EXT1: variants seen among roughly 807,000 people sequenced by gnomAD.
The protein encoded by EXT1 is exostosin-1.
EXT1 carries 20 observed loss-of-function variants against 82.5 expected under a neutral mutation model. The ratio of observed to expected loss-of-function variants is 0.24; its 90% CI spans 0.17 to 0.35. EXT1 has a LOEUF of 0.35. EXT1 is among the 10% of genes least tolerant of loss of function. EXT1 has a pLI of 1.00. For missense variants in EXT1, 757 were observed against 936.5 expected, an observed-to-expected ratio of 0.81 and a Z score of 2.50; for synonymous variants, 348 against 350.8, an observed-to-expected ratio of 0.99 and a Z score of 0.09.
chr8:117,994,790 T>C (rs1815503243), intron 1 of EXT1, among the ~76,000 whole-genome samples: 1 of 152,228 alleles, frequency 6.6e-6, no homozygotes, highest in Admixed American at 6.5e-5. Context: ...CATCTGGCAG[T>C]GACAGAAATA....
At chr8:117,856,171 T>A (rs1812552734) in intron 1 of EXT1, among the ~76,000 whole-genome samples, 1 of 152,176 alleles carries the variant, frequency 6.6e-6, no homozygotes, top group Non-Finnish European at 1.5e-5. Flanking sequence ...TATTGCTGAT[T>A]TGGAAAAGTT....
chr8:118,102,216 G>T (rs1023485082), intron 1 of EXT1, among the ~76,000 whole-genome samples: 2 of 151,924 alleles, frequency 1.3e-5, no homozygotes, highest in African/African-American at 2.4e-5. Context: ...GCAGTGAGCC[G>T]AGATCGCGCC....
chr8:117,805,369 G>A (rs1563873104), intron 9 of EXT1, among the ~76,000 whole-genome samples: 1 of 152,124 alleles, frequency 6.6e-6, no homozygotes, highest in Non-Finnish European at 1.5e-5. Context: ...TTGACTCTGA[G>A]TCCAACAATA....
intron 8 of EXT1, among the ~76,000 whole-genome samples, chr8:117,807,747 A>G (rs1823260379): frequency 1.3e-5 from 2 of 152,208 alleles, no homozygotes; most frequent in Non-Finnish European, 2.9e-5. Context: ...TGTTTTATAA[A>G]TGAGAAATTT....
chr8:117,919,506 C>CTTTTT (rs34037715), intron 1 of EXT1, among the ~76,000 whole-genome samples: 1 of 141,050 alleles, frequency 7.1e-6, no homozygotes, highest in Admixed American at 7.1e-5. Flanking sequence ...TGAGTTAAAA[C>CTTTTT]TTTTTTTTTT....
chr8:118,068,063 C>A (rs1817023503), intron 1 of EXT1, among the ~76,000 whole-genome samples: 1 of 152,180 alleles, frequency 6.6e-6, no homozygotes, highest in South Asian at 2.1e-4. Context: ...AAAACACTTT[C>A]ATTTAATCTT....
At chr8:117,850,667 T>G (rs1563579447) in intron 1 of EXT1, among the ~76,000 whole-genome samples, 2 of 152,226 alleles carry the variant, frequency 1.3e-5, no homozygotes, top group African/African-American at 4.8e-5. Flanking sequence ...AACTATTCTA[T>G]AAATCAAACA....
At chr8:117,820,680 T>C (rs987073563) in intron 5 of EXT1, among the ~76,000 whole-genome samples, 1 of 148,752 alleles carries the variant, frequency 6.7e-6, no homozygotes, top group African/African-American at 2.5e-5. Context: ...CTGGGCAACA[T>C]AGCAAGACTC....
At chr8:118,093,274 A>G in intron 1 of EXT1, among the ~76,000 whole-genome samples, 1 of 147,130 alleles carries the variant, frequency 6.8e-6, no homozygotes, top group African/African-American at 2.6e-5. Flanking sequence ...CCAGCAAAAA[A>G]AAAAAAAAAA....
At chr8:118,099,911 C>A (rs1388052453) in intron 1 of EXT1, among the ~76,000 whole-genome samples, 2 of 152,152 alleles carry the variant, frequency 1.3e-5, no homozygotes, top group African/African-American at 4.8e-5. Flanking sequence ...AGCCAACTTC[C>A]CCTAACCACA....
At chr8:118,079,878 A>G (rs919601230) in intron 1 of EXT1, among the ~76,000 whole-genome samples, 4 of 152,232 alleles carry the variant, frequency 2.6e-5, no homozygotes, top group Non-Finnish European at 5.9e-5. Context: ...AATAACTTCA[A>G]TAGAAAGAAA....
At chr8:118,061,727 A>G (rs941911396) in intron 1 of EXT1, among the ~76,000 whole-genome samples, 1 of 152,168 alleles carries the variant, frequency 6.6e-6, no homozygotes, top group Non-Finnish European at 1.5e-5. Context: ...AAATATGAAT[A>G]TGTTTAGTTG....
chr8:117,890,015 A>G (rs1180491697), intron 1 of EXT1, among the ~76,000 whole-genome samples: 1 of 152,220 alleles, frequency 6.6e-6, no homozygotes, highest in Non-Finnish European at 1.5e-5. Flanking sequence ...ATCAAAATGC[A>G]TGAAAAATTT....
rs200212239 is a variant in EXT1 at position 117,984,452 on chromosome 8, A to AAC, written c.962+125632_962+125633insGT. 7.5e-3 allele frequency among the ~76,000 whole-genome samples: 1,135 copies of AAC among 151,164 alleles called. 15 individuals carry two copies. The highest frequency in any genetic ancestry group is 0.022 in the African/African-American group (901 of 41,010). On this transcript the variant is annotated intron_variant, in intron 1 of 10. Transcript: ENST00000378204. ...TCAAAAACAAAACAAAACAAAACAA[A>AAC]AAAAAAAAACAAAGAAAAGAAAAGA... is the stretch of plus-strand genomic sequence containing the variant.
intron 1 of EXT1, among the ~76,000 whole-genome samples, chr8:117,868,747 C>T (rs970479516): frequency 3.3e-5 from 5 of 152,062 alleles, no homozygotes; most frequent in African/African-American, 4.8e-5. Context: ...AAGTCAGTGC[C>T]GGTAGTATCT....
chr8:118,037,847 T>TG (rs1397398947), intron 1 of EXT1, among the ~76,000 whole-genome samples: 4 of 148,126 alleles, frequency 2.7e-5, no homozygotes, highest in African/African-American at 7.6e-5. Flanking sequence ...TTTTTTTTTT[T>TG]TTTTTTTTTT....
At chr8:117,963,445 G>A (rs923518119) in intron 1 of EXT1, among the ~76,000 whole-genome samples, 19 of 152,000 alleles carry the variant, frequency 1.3e-4, no homozygotes, top group African/African-American at 2.7e-4. Context: ...TGAACACGGC[G>A]CCTTCTCTAT....
At chr8:117,962,757 C>A (rs1268230364) in intron 1 of EXT1, among the ~76,000 whole-genome samples, 2 of 124,194 alleles carry the variant, frequency 1.6e-5, no homozygotes, top group African/African-American at 9.3e-5. Flanking sequence ...CATCCCCCCA[C>A]ACCCCCCACC....
chr8:117,947,310 CT>C (rs1434955611), intron 1 of EXT1, among the ~76,000 whole-genome samples: 1 of 152,150 alleles, frequency 6.6e-6, no homozygotes, highest in Admixed American at 6.5e-5. Flanking sequence ...TCCAAAGTCA[CT>C]TTTTTCTTTC....
Sources: allele counts gnomAD v4.1 joint callset (sites outside exome capture counted in the v4.1 genomes callset), GRCh38; gene constraint gnomAD v4.1.1; transcripts MANE v1.5; gene names NCBI Gene and HGNC (gene_info 2026-07-23, HGNC 2026-07-21).